F13B: variants seen among roughly 807,000 people sequenced by gnomAD.
F13B encodes the protein coagulation factor XIII B chain.
In F13B, 58 loss-of-function variants were observed where a neutral mutation model predicts 79.8. The ratio of observed to expected loss-of-function variants is 0.73; its 90% CI spans 0.59 to 0.90. The LOEUF is 0.90. Ranked by LOEUF, F13B falls within the 40% of genes least tolerant of loss-of-function variation. F13B has a pLI of 0.00. For synonymous variants in F13B, 283 were observed against 260.3 expected (o/e 1.09, Z -0.84); for missense variants, 773 against 777.0 (o/e 0.99, Z 0.06).
At chr1:197,065,172 G>C (rs1366398636) in intron 1 of F13B, among the ~76,000 whole-genome samples, 1 of 152,138 alleles carries the variant, frequency 6.6e-6, no homozygotes, top group Non-Finnish European at 1.5e-5. Context: ...AAATTTCCCT[G>C]AGGGGCACAG....
chr1:197,045,309 T>C (rs1277699241), intron 10 of F13B, among the ~76,000 whole-genome samples: 3 of 151,716 alleles, frequency 2.0e-5, no homozygotes, highest in Non-Finnish European at 4.4e-5. Flanking sequence ...ATAGATGCAA[T>C]AAAATATAAT....
intron 5 of F13B, among the ~76,000 whole-genome samples, chr1:197,058,432 T>C (rs1372890454): frequency 6.6e-6 from 1 of 152,178 alleles, no homozygotes; most frequent in Non-Finnish European, 1.5e-5. Flanking sequence ...TCAGTTTCAC[T>C]GGACTAAAAT....
chr1:197,044,982 C>A (rs546553344), intron 10 of F13B, among the ~76,000 whole-genome samples: 2 of 151,964 alleles, frequency 1.3e-5, no homozygotes, highest in African/African-American at 4.8e-5. Flanking sequence ...CACTACGTAC[C>A]AGAATCTCTG....
chr1:197,041,879 G>A (rs1655049730), intron 10 of F13B, among the ~76,000 whole-genome samples: 1 of 152,068 alleles, frequency 6.6e-6, no homozygotes, highest in Non-Finnish European at 1.5e-5. Context: ...TGTTACCATG[G>A]ATCTTAGCAA....
At position 197,057,181 on chromosome 1, in the gene F13B, C is replaced by T. The variant is rs1482863314; in HGVS notation, c.1003G>A (p.Ala335Thr). 3 of 1,613,874 alleles carry T rather than the reference C, an allele frequency of 1.9e-6. No homozygotes were observed. Among genetic ancestry groups the T allele is most frequent in the Non-Finnish European group, 2.5e-6 (3 of 1,179,900 alleles). Residue 335 changes from alanine (A) to threonine (T), a missense_variant, in exon 7 of 12, where the codon GCC becomes ACC. By Grantham distance (58) the Ala-to-Thr change is moderately conservative. Coordinates refer to ENST00000367412, the MANE Select transcript of F13B (RefSeq NM_001994.3). ...PKCIEGQEKV[A>T]CEEPPFIENG... ...TCAATGAAGGGTGGTTCCTCACAGG[C>T]TACCTTCTCCTGTCCTTCTGAAAAG...
At chr1:197,057,581 G>T in intron 5 of F13B, 116 bp from the exon 6 acceptor site, 1 of 1,134,688 alleles carries the variant, frequency 8.8e-7, no homozygotes, top group Non-Finnish European at 1.3e-6. Context: ...CTGATTCTAG[G>T]AGCATTCCTT....
chr1:197,066,146 C>T (rs1158210073), intron 1 of F13B, among the ~76,000 whole-genome samples: 3 of 152,046 alleles, frequency 2.0e-5, no homozygotes, highest in African/African-American at 7.2e-5. Flanking sequence ...AAAAGAAATT[C>T]ATGCAAAAAT....
intron 10 of F13B, among the ~76,000 whole-genome samples, chr1:197,046,089 C>G (rs1655218443): frequency 6.6e-6 from 1 of 152,150 alleles, no homozygotes; most frequent in African/African-American, 2.4e-5. Flanking sequence ...GAAGCATTTG[C>G]TTTGAAAACT....
intron 8 of F13B, among the ~76,000 whole-genome samples, chr1:197,055,281 T>C (rs889858519): frequency 2.0e-5 from 3 of 151,942 alleles, no homozygotes; most frequent in African/African-American, 7.2e-5. Flanking sequence ...AATTTAGCAA[T>C]ATACTCTATA....
intron 1 of F13B, among the ~76,000 whole-genome samples, chr1:197,066,635 T>G (rs1340478844): frequency 1.3e-5 from 2 of 152,156 alleles, no homozygotes; most frequent in Non-Finnish European, 2.9e-5. Flanking sequence ...TACAAGCAAT[T>G]ATATGGTTCA....
chr1:197,040,416 T>G, intron 11 of F13B, 106 bp downstream of exon 11: 1 of 736,068 alleles, frequency 1.4e-6, no homozygotes, highest in Non-Finnish European at 2.3e-6. Flanking sequence ...ATTTTTTCTT[T>G]GCAATTGCCA....
chr1:197,058,419 G>A (rs954417004), intron 5 of F13B, among the ~76,000 whole-genome samples: 1 of 152,146 alleles, frequency 6.6e-6, no homozygotes, highest in African/African-American at 2.4e-5. Context: ...CAGAAGTCCA[G>A]AGTCAGTTTC....
intron 1 of F13B, among the ~76,000 whole-genome samples, chr1:197,065,436 G>A (rs983535269): frequency 6.6e-6 from 1 of 151,868 alleles, no homozygotes; most frequent in African/African-American, 2.4e-5. Flanking sequence ...TGAAGCGATG[G>A]ACACACTTAC....
Position 197,061,085 on chromosome 1 carries a change from T to A in F13B, c.452-10A>T, listed in dbSNP as rs746832989. The stretch of plus-strand genomic sequence containing the variant: ...GGAGCCAAACATGTTTCTAAAATTA[T>A]AAAAATTATTTATTTTATAAACTTT... On this transcript the variant is annotated splice_polypyrimidine_tract_variant and intron_variant, in intron 3 of 11. Transcript: ENST00000367412. 24 of 1,280,590 alleles carry A rather than the reference T, an allele frequency of 1.9e-5. No homozygotes were observed. The highest frequency in any genetic ancestry group is 2.5e-5 in the Non-Finnish European group (23 of 932,752). 79.3% of individuals were successfully genotyped at this position (1,280,590 alleles called of 1,614,324 possible). A position where few individuals can be genotyped will look rare whatever the true frequency, so the allele number is the denominator to read the frequency against.
At chr1:197,055,582 T>C in intron 8 of F13B, 133 bp downstream of exon 8, 1 of 934,116 alleles carries the variant, frequency 1.1e-6, no homozygotes, top group South Asian at 1.5e-5. Flanking sequence ...AGGGACTTTC[T>C]ACTTAAAGAA....
intron 1 of F13B, among the ~76,000 whole-genome samples, chr1:197,065,995 C>CTT (rs766666193): frequency 1.7e-4 from 21 of 121,730 alleles, no homozygotes; most frequent in South Asian, 6.3e-4. Context: ...AAGCAGCTTA[C>CTT]TTTTTTTTTT....
At chr1:197,062,793 C>G (rs917843746) in intron 2 of F13B, 64 bp downstream of exon 2, 3 of 1,494,586 alleles carry the variant, frequency 2.0e-6, no homozygotes, top group African/African-American at 2.8e-5. Context: ...TTATTGGACC[C>G]CTATTTTTAT....
chr1:197,049,726 A>G (rs1053241206), intron 10 of F13B, among the ~76,000 whole-genome samples: 4 of 152,100 alleles, frequency 2.6e-5, no homozygotes, highest in Admixed American at 6.6e-5. Flanking sequence ...CTTGATATCA[A>G]ACCAGAAAGG....
intron 10 of F13B, among the ~76,000 whole-genome samples, chr1:197,049,189 A>T: frequency 6.6e-6 from 1 of 152,128 alleles, no homozygotes; most frequent in South Asian, 2.1e-4. Context: ...TTAGTAATCT[A>T]TGTATTCATC....
Sources: allele counts gnomAD v4.1 joint callset (sites outside exome capture counted in the v4.1 genomes callset), GRCh38; gene constraint gnomAD v4.1.1; transcripts MANE v1.5; gene names NCBI Gene and HGNC (gene_info 2026-07-23, HGNC 2026-07-21).